Variants in BNC2 observed in about 807,000 individuals in gnomAD.
BNC2 encodes basonuclin zinc finger protein 2.
Under a neutral mutation model 76.3 loss-of-function variants are expected in BNC2, and 20 were observed. The observed-to-expected ratio is 0.26, with a 90% CI of 0.18 to 0.38. The LOEUF (loss-of-function observed/expected upper bound fraction) is 0.38, where lower values mean the gene tolerates loss of function less well. Among genes scored for constraint, BNC2 ranks in the 10% least tolerant of loss-of-function variants. BNC2 has a pLI of 1.00. For missense variants in BNC2, 1,382 were observed against 1,399.8 expected (o/e 0.99, Z 0.20); for synonymous variants, 582 against 514.8 (o/e 1.13, Z -1.77).
chr9:16,435,052 T>C (rs1411786373), intron 6 of BNC2: 1 of 471,556 alleles, frequency 2.1e-6, no homozygotes, highest in South Asian at 1.5e-5. Context: ...ATGCAGGCTG[T>C]CTCGATGTCC....
At chr9:16,765,342 T>A (rs1402646505) in intron 1 of BNC2, among the ~76,000 whole-genome samples, 1 of 152,156 alleles carries the variant, frequency 6.6e-6, no homozygotes, top group Admixed American at 6.5e-5. Context: ...AATATACACA[T>A]AAGATTTAAG....
intron 2 of BNC2, among the ~76,000 whole-genome samples, chr9:16,735,102 T>C (rs1302894820): frequency 1.3e-5 from 2 of 152,012 alleles, no homozygotes; most frequent in Non-Finnish European, 2.9e-5. Flanking sequence ...AATAAAAGGA[T>C]TTGAGTAGGG....
chr9:16,783,498 A>G (rs1826206857), intron 1 of BNC2, among the ~76,000 whole-genome samples: 1 of 152,244 alleles, frequency 6.6e-6, no homozygotes, highest in African/African-American at 2.4e-5. Flanking sequence ...TCTGCATACG[A>G]CAAGTTTCAA....
chr9:16,831,711 C>T (rs141303376), intron 1 of BNC2, among the ~76,000 whole-genome samples: 160 of 152,274 alleles, frequency 1.1e-3, no homozygotes, highest in Middle Eastern at 6.8e-3. Context: ...GAACTCGACA[C>T]ACTTCTGTCC....
chr9:16,642,045 T>C (rs1414956584), intron 3 of BNC2, among the ~76,000 whole-genome samples: 1 of 152,210 alleles, frequency 6.6e-6, no homozygotes, highest in African/African-American at 2.4e-5. Context: ...GCAACATTTA[T>C]CATCTGATTT....
intron 3 of BNC2, among the ~76,000 whole-genome samples, chr9:16,592,441 A>C (rs1265958391): frequency 6.6e-6 from 1 of 152,190 alleles, no homozygotes; most frequent in Non-Finnish European, 1.5e-5. Context: ...GTCATAAAAG[A>C]CCAAATATTA....
intron 1 of BNC2, among the ~76,000 whole-genome samples, chr9:16,820,880 A>G (rs940597707): frequency 6.6e-6 from 1 of 152,128 alleles, no homozygotes; most frequent in African/African-American, 2.4e-5. Flanking sequence ...CAGCAATGGG[A>G]AAACCCCTAA....
At chr9:16,710,794 C>T (rs549873157) in intron 3 of BNC2, among the ~76,000 whole-genome samples, 4 of 152,010 alleles carry the variant, frequency 2.6e-5, no homozygotes, top group Admixed American at 1.3e-4. Context: ...ACATTTGTGA[C>T]TTGTCAGTGA....
At chr9:16,518,552 C>T (rs576957499) in intron 5 of BNC2, among the ~76,000 whole-genome samples, 136 of 152,062 alleles carry the variant, frequency 8.9e-4, no homozygotes, top group African/African-American at 3.1e-3. Context: ...TTGGGATGTA[C>T]AGGTGCAAAA....
intron 1 of BNC2, among the ~76,000 whole-genome samples, chr9:16,869,591 C>T (rs1250810965): frequency 6.6e-6 from 1 of 152,150 alleles, no homozygotes; most frequent in Admixed American, 6.5e-5. Flanking sequence ...CGGAATACAC[C>T]ATGTCAGATC....
At chr9:16,846,715 T>C (rs1818991076) in intron 1 of BNC2, among the ~76,000 whole-genome samples, 2 of 152,182 alleles carry the variant, frequency 1.3e-5, no homozygotes, top group South Asian at 2.1e-4. Context: ...AATTCTACAA[T>C]ACACTTTTAC....
chr9:16,760,000 G>A lies in BNC2; in HGVS notation c.4-21515C>T, dbSNP rs184225983. Among the ~76,000 whole-genome samples, 569 of 152,326 alleles carry A rather than the reference G, an allele frequency of 3.7e-3. 6 individuals carry two copies. The highest frequency in any genetic ancestry group is 0.013 in the African/African-American group (548 of 41,590). On this transcript the variant is annotated intron_variant, in intron 1 of 6. Coordinates refer to ENST00000380672, the MANE Select transcript of BNC2 (RefSeq NM_017637.6). ...GGCCTCCCAAAGTGCTGGGATTACA[G>A]GCGTGAGCCACCGCGCGGGGCCAGA... is the stretch of plus-strand genomic sequence containing the variant.
intron 5 of BNC2, among the ~76,000 whole-genome samples, chr9:16,461,592 G>A (rs909176160): frequency 6.6e-6 from 1 of 151,182 alleles, no homozygotes; most frequent in South Asian, 2.1e-4. Context: ...CCAGGACAAC[G>A]TGGTGGGGGG....
Position 16,435,695 on chromosome 9 carries a change from T to G in BNC2, c.2499A>C (p.Lys833Asn), listed in dbSNP as rs774500854. ...AACTCTTCTTGCACACATAACAGAT[T>G]TTGGGGTCTGGGCTAGAACATAGGT... is the stretch of plus-strand genomic sequence containing the variant. ...EGDLCSSPDP[K>N]ICYVCKKSFK... Residue 833 changes from lysine (K) to asparagine (N), a missense_variant, in exon 6 of 7, where the codon AAA (lysine) becomes AAC (asparagine). Lys to Asn is a moderately conservative substitution (Grantham distance 94). Coordinates refer to ENST00000380672, the MANE Select transcript of BNC2 (RefSeq NM_017637.6). 5.4e-5 allele frequency: 87 copies of G among 1,613,966 alleles called. No homozygotes were observed. The highest frequency in any genetic ancestry group is 6.9e-5 in the Non-Finnish European group (82 of 1,180,008).
intron 4 of BNC2, among the ~76,000 whole-genome samples, chr9:16,563,009 A>G (rs1213753285): frequency 1.3e-5 from 2 of 152,182 alleles, no homozygotes; most frequent in Non-Finnish European, 2.9e-5. Context: ...ATATGTTTTT[A>G]TAAGTTTTCA....
chr9:16,555,540 T>C (rs1472330267), intron 4 of BNC2, among the ~76,000 whole-genome samples: 1 of 152,162 alleles, frequency 6.6e-6, no homozygotes, highest in Non-Finnish European at 1.5e-5. Context: ...CTCACACCTG[T>C]AATCCCAGCA....
chr9:16,865,537 A>G (rs1196143553), intron 1 of BNC2, among the ~76,000 whole-genome samples: 1 of 152,212 alleles, frequency 6.6e-6, no homozygotes, highest in Non-Finnish European at 1.5e-5. Context: ...ATTCTTAATT[A>G]TCGAACCTAT....
chr9:16,737,721 T>G (rs1317190205), intron 2 of BNC2, among the ~76,000 whole-genome samples: 2 of 152,126 alleles, frequency 1.3e-5, no homozygotes, highest in Non-Finnish European at 2.9e-5. Flanking sequence ...GTTTTCCAAA[T>G]GAAGAAACCC....
chr9:16,451,945 T>C (rs905135366), intron 5 of BNC2, among the ~76,000 whole-genome samples: 3 of 152,188 alleles, frequency 2.0e-5, no homozygotes, highest in African/African-American at 7.2e-5. Context: ...TGTCTTTACA[T>C]AGAAGGAAAT....
Sources: gnomAD v4.1 joint callset for allele counts (sites outside exome capture counted in the v4.1 genomes callset) on GRCh38, gnomAD v4.1.1 for gene constraint, MANE v1.5 for transcripts, NCBI Gene and HGNC (gene_info 2026-07-23, HGNC 2026-07-21) for gene names.